Variants in TARBP1 observed in about 807,000 individuals in gnomAD.
TARBP1 encodes the protein tRNA (guanosine(18)-2'-O)-methyltransferase TARBP1.
A neutral mutation model predicts 178.6 loss-of-function variants in TARBP1; 144 were observed. That is an observed-to-expected ratio of 0.81 (90% CI 0.70 to 0.93). TARBP1 has a LOEUF of 0.93. Among genes scored for constraint, TARBP1 ranks in the 40% least tolerant of loss-of-function variants. The pLI is 0.00. For missense variants in TARBP1, 2,067 were observed against 2,011.7 expected (o/e 1.03, Z -0.53); for synonymous variants, 787 against 781.0 (o/e 1.01, Z -0.13).
rs529875196 is a variant in TARBP1 at position 234,451,929 on chromosome 1, T to TA, written c.1723-1364dup. ...TCTAACAGTGAGGTCAGCCGGTATT[T>TA]ATCTTTTAACAGTATACACTTTTCT... On this transcript the variant is annotated intron_variant, in intron 9 of 29. Coordinates refer to ENST00000040877, the MANE Select transcript of TARBP1 (RefSeq NM_005646.4). 1.6e-4 allele frequency among the ~76,000 whole-genome samples: 24 copies of TA among 152,210 alleles called. 1 individual carries two copies. The highest frequency in any genetic ancestry group is 5.3e-4 in the African/African-American group (22 of 41,542).
chr1:234,418,138 C>T lies in TARBP1; in HGVS notation c.3651G>A (p.Leu1217=). The change falls in exon 22 of 30, where the codon TTG becomes TTA. Residue 1217 remains leucine (L), a synonymous_variant. Transcript: ENST00000040877. ...GAAATTGAGGGAATTTATGAAGAAT[C>T]AATATAATAATCCATTCTATAAAAT... ...IKYFIEWIII[L]ILHKFPQFLP... is the part of the protein sequence containing the mutation. 6.7e-7 allele frequency: 1 copy of T among 1,502,010 alleles called. No individual in the cohort carries two copies. The highest frequency in any genetic ancestry group is 8.9e-7 in the Non-Finnish European group (1 of 1,124,060). 93.0% of individuals were successfully genotyped at this position (1,502,010 alleles called of 1,614,324 possible).
chr1:234,470,210 T>C (rs1042784694), intron 3 of TARBP1, among the ~76,000 whole-genome samples: 3 of 151,940 alleles, frequency 2.0e-5, no homozygotes, highest in Admixed American at 6.6e-5. Flanking sequence ...GAGGTTGCAG[T>C]GAGCCGAGAT....
chr1:234,445,898 C>T (rs1360331458), intron 12 of TARBP1, among the ~76,000 whole-genome samples: 1 of 152,076 alleles, frequency 6.6e-6, no homozygotes, highest in Non-Finnish European at 1.5e-5. Context: ...GCACATGTGA[C>T]CCAGTTCTAC....
At position 234,466,890 on chromosome 1, in the gene TARBP1, A is replaced by C. The variant is rs139044556; in HGVS notation, c.1248+612T>G. Among the ~76,000 whole-genome samples the C allele has an allele frequency of 3.7e-4, 57 of 152,266 alleles. 1 individual carries two copies. In the East Asian group the frequency reaches 0.011, roughly 29 times the overall value. ...AAAAAAAAACAGCTATTGAAAGAAA[A>C]AGAAGAAAAAAATTGACTTAGGTCA... On this transcript the variant is annotated intron_variant, in intron 4 of 29. Coordinates refer to ENST00000040877, the MANE Select transcript of TARBP1 (RefSeq NM_005646.4).
intron 1 of TARBP1, among the ~76,000 whole-genome samples, chr1:234,476,881 A>T (rs1273536443): frequency 2.0e-5 from 3 of 152,254 alleles, no homozygotes; most frequent in African/African-American, 7.2e-5. Flanking sequence ...ACCATTGCTT[A>T]TCCCTAAAAC....
intron 11 of TARBP1, among the ~76,000 whole-genome samples, chr1:234,447,345 CAAA>C (rs34101720): frequency 3.3e-4 from 33 of 100,338 alleles, no homozygotes; most frequent in African/African-American, 7.1e-4. Context: ...TTTAAAAATC[CAAA>C]AAAAAAAAAA....
At chr1:234,425,203 G>A (rs1663593435) in intron 20 of TARBP1, among the ~76,000 whole-genome samples, 1 of 152,096 alleles carries the variant, frequency 6.6e-6, no homozygotes, top group African/African-American at 2.4e-5. Flanking sequence ...TCGCACTCCA[G>A]CCTGGGCGAC....
At chr1:234,396,567 A>G (rs978431930) in intron 26 of TARBP1, among the ~76,000 whole-genome samples, 4 of 152,080 alleles carry the variant, frequency 2.6e-5, no homozygotes, top group African/African-American at 9.7e-5. Flanking sequence ...GGGCTCTATG[A>G]GGCAGGGACT....
chr1:234,401,842 C>T (rs74147461), intron 24 of TARBP1, among the ~76,000 whole-genome samples: 7,995 of 152,262 alleles, frequency 0.053, 246 homozygotes, highest in South Asian at 0.079. Flanking sequence ...AACCCTCTCA[C>T]TATCAGCAGA....
chr1:234,459,429 C>T, intron 7 of TARBP1, 103 bp from the exon 8 acceptor site: 2 of 840,512 alleles, frequency 2.4e-6, no homozygotes, highest in Non-Finnish European at 3.7e-6. Flanking sequence ...CTTCCTAATG[C>T]AGAAAGTCTG....
chr1:234,434,113 C>T (rs1226749866), intron 13 of TARBP1, among the ~76,000 whole-genome samples: 1 of 152,184 alleles, frequency 6.6e-6, no homozygotes, highest in Non-Finnish European at 1.5e-5. Flanking sequence ...TTTAACTCTT[C>T]ACTACTAAGC....
At chr1:234,447,095 T>G in intron 11 of TARBP1, 120 bp from the exon 12 acceptor site, 1 of 1,076,094 alleles carries the variant, frequency 9.3e-7, no homozygotes, top group Non-Finnish European at 1.4e-6. Flanking sequence ...GTTACTCTCA[T>G]GAAAGACCCA....
Position 234,393,401 on chromosome 1 carries a change from G to C in TARBP1, c.4521C>G (p.His1507Gln). 6.2e-7 allele frequency: 1 copy of C among 1,605,056 alleles called. No individual in the cohort carries two copies. The highest frequency in any genetic ancestry group is 8.5e-7 in the Non-Finnish European group (1 of 1,175,338). The change falls in exon 28 of 30, where the codon CAC becomes CAG. Residue 1507 changes from histidine (H) to glutamine (Q), a missense_variant. Coordinates refer to ENST00000040877, the MANE Select transcript of TARBP1 (RefSeq NM_005646.4). ...GCCACTGTTCTGCAGAGACACTGAG[G>C]TGCTGAAACTGTTTGTCGCTGATAC... ...LQCISDKQFQ[H>Q]LSVSAEQWLP...
intron 13 of TARBP1, 104 bp from the exon 14 acceptor site, chr1:234,433,675 G>T: frequency 9.3e-7 from 1 of 1,073,992 alleles, no homozygotes; most frequent in Non-Finnish European, 1.3e-6. Flanking sequence ...ACCACAACAA[G>T]ACACTGATGA....
chr1:234,435,905 T>G (rs959491071), intron 13 of TARBP1, among the ~76,000 whole-genome samples: 1 of 152,160 alleles, frequency 6.6e-6, no homozygotes, highest in African/African-American at 2.4e-5. Flanking sequence ...AGAGGCAGGC[T>G]CTTTTTTCCC....
chr1:234,455,251 TG>T (rs1457044612), intron 9 of TARBP1, among the ~76,000 whole-genome samples: 1 of 152,156 alleles, frequency 6.6e-6, no homozygotes, highest in African/African-American at 2.4e-5. Context: ...TAGGAAACTA[TG>T]GAGGGAAACT....
chr1:234,457,490 A>C (rs1008864487), intron 9 of TARBP1, among the ~76,000 whole-genome samples, 177 bp downstream of exon 9: 3 of 152,200 alleles, frequency 2.0e-5, no homozygotes, highest in African/African-American at 7.2e-5. Flanking sequence ...ACCTCTCCAT[A>C]AGCATCTTAG....
At chr1:234,442,279 A>G (rs534960859) in intron 12 of TARBP1, among the ~76,000 whole-genome samples, 1 of 152,340 alleles carries the variant, frequency 6.6e-6, no homozygotes, top group East Asian at 1.9e-4. Flanking sequence ...TGCAAAAGAC[A>G]CTGTTGAGAA....
intron 5 of TARBP1, among the ~76,000 whole-genome samples, chr1:234,464,973 C>T (rs949054895): frequency 4.6e-5 from 7 of 152,016 alleles, no homozygotes; most frequent in Non-Finnish European, 8.8e-5. Flanking sequence ...CTGTCAGATA[C>T]GGAAAGGAAA....
Sources: gnomAD v4.1 joint callset for allele counts (sites outside exome capture counted in the v4.1 genomes callset) on GRCh38, gnomAD v4.1.1 for gene constraint, MANE v1.5 for transcripts, NCBI Gene and HGNC (gene_info 2026-07-23, HGNC 2026-07-21) for gene names.